Variants in FBXL13 observed in about 807,000 individuals in gnomAD.
FBXL13 encodes the protein F-box and leucine rich repeat protein 13, also known as F-box and leucine-rich repeat protein 13.
FBXL13 carries 67 observed loss-of-function variants against 83.6 expected under a neutral mutation model. That is an observed-to-expected ratio of 0.80 (90% CI 0.66 to 0.98). The LOEUF is 0.98. Among genes scored for constraint, FBXL13 ranks in the 50% least tolerant of loss-of-function variants. The pLI is 0.00. For synonymous variants in FBXL13, 272 were observed against 299.5 expected (o/e 0.91, Z 0.95); for missense variants, 822 against 866.5 (o/e 0.95, Z 0.64).
intron 11 of FBXL13, among the ~76,000 whole-genome samples, chr7:102,898,306 C>A (rs562476413): frequency 6.6e-6 from 1 of 152,066 alleles, no homozygotes; most frequent in Non-Finnish European, 1.5e-5. Flanking sequence ...CCAAAAGCAA[C>A]GTACATGAAT....
chr7:102,934,811 T>C, intron 8 of FBXL13: 1 of 891,510 alleles, frequency 1.1e-6, no homozygotes. Flanking sequence ...AATCCTTCCC[T>C]ATTGACAATG....
At chr7:102,995,820 G>T (rs78458045) in intron 6 of FBXL13, among the ~76,000 whole-genome samples, 143 of 75,740 alleles carry the variant, frequency 1.9e-3, no homozygotes, top group African/African-American at 5.3e-3. Flanking sequence ...AATAAATAAA[G>T]GCATAGTCAT....
intron 6 of FBXL13, among the ~76,000 whole-genome samples, chr7:102,978,172 A>T (rs1267471521): frequency 6.6e-6 from 1 of 152,228 alleles, no homozygotes; most frequent in Non-Finnish European, 1.5e-5. Flanking sequence ...CTACAATGAC[A>T]AGATGGATAC....
At chr7:102,982,115 C>T (rs1038771403) in intron 6 of FBXL13, among the ~76,000 whole-genome samples, 3 of 152,084 alleles carry the variant, frequency 2.0e-5, no homozygotes, top group African/African-American at 4.8e-5. Flanking sequence ...TCAATTACTC[C>T]ACCCAACACA....
chr7:103,052,252 T>C (rs1796890317), intron 2 of FBXL13, among the ~76,000 whole-genome samples: 1 of 152,206 alleles, frequency 6.6e-6, no homozygotes, highest in Admixed American at 6.5e-5. Flanking sequence ...ATTCATTTAG[T>C]ATACTATACA....
intron 6 of FBXL13, among the ~76,000 whole-genome samples, chr7:102,982,475 C>T (rs548088019): frequency 6.6e-6 from 1 of 152,234 alleles, no homozygotes; most frequent in South Asian, 2.1e-4. Flanking sequence ...AAGGTACTCT[C>T]CCATCGTTGG....
chr7:102,967,224 C>T (rs968692100), intron 7 of FBXL13, among the ~76,000 whole-genome samples: 1 of 151,898 alleles, frequency 6.6e-6, no homozygotes, highest in South Asian at 2.1e-4. Context: ...TCCCAGAGTG[C>T]TTGGATTATA....
chr7:103,071,495 C>T (rs1163059018), intron 1 of FBXL13, among the ~76,000 whole-genome samples: 3 of 151,940 alleles, frequency 2.0e-5, no homozygotes, highest in Non-Finnish European at 4.4e-5. Context: ...GTGATCCTCT[C>T]CTCTCAGCCT....
At chr7:102,964,958 AAG>A (rs1219976193) in intron 7 of FBXL13, among the ~76,000 whole-genome samples, 2 of 152,200 alleles carry the variant, frequency 1.3e-5, no homozygotes, top group Non-Finnish European at 2.9e-5. Flanking sequence ...ACAACTCAGA[AAG>A]AGAAAATCTA....
At chr7:102,846,445 A>G (rs2129450108) in intron 17 of FBXL13, among the ~76,000 whole-genome samples, 1 of 152,096 alleles carries the variant, frequency 6.6e-6, no homozygotes, top group Admixed American at 6.5e-5. Context: ...ATGGTGAAAC[A>G]CCATCTCTAC....
downstream of FBXL13, among the ~76,000 whole-genome samples, chr7:102,811,986 CTT>C (rs1425125676): frequency 2.0e-5 from 3 of 152,176 alleles, no homozygotes; most frequent in Non-Finnish European, 2.9e-5. Flanking sequence ...CTTTTTAAAA[CTT>C]TTCAAAATAA....
At chr7:103,051,720 C>T (rs941680430) in intron 2 of FBXL13, among the ~76,000 whole-genome samples, 1 of 152,170 alleles carries the variant, frequency 6.6e-6, no homozygotes, top group Admixed American at 6.5e-5. Flanking sequence ...GAGACTCCAG[C>T]GCAGCCACCT....
chr7:102,893,800 GA>G lies in FBXL13; in HGVS notation c.1009-9489del, dbSNP rs1213869185. On this transcript the variant is annotated intron_variant, in intron 11 of 19. Coordinates refer to ENST00000313221, the Ensembl canonical transcript of FBXL13. ...AAAAAAAAAAGAAAGAAAGGAGAAG[GA>G]TGAGGAGGGAATGGGGGAGGGGGAG... Among the ~76,000 whole-genome samples, 3 of 148,340 alleles carry G rather than the reference GA, an allele frequency of 2.0e-5. No individual in the cohort carries two copies. The East Asian group carries it at 5.9e-4, about 29-fold the overall frequency.
At chr7:102,860,473 AGTT>A (rs1806647014) in intron 16 of FBXL13, among the ~76,000 whole-genome samples, 1 of 152,160 alleles carries the variant, frequency 6.6e-6, no homozygotes, top group South Asian at 2.1e-4. Flanking sequence ...GCAAAGTGTG[AGTT>A]GTTGGGAAGT....
intron 6 of FBXL13, among the ~76,000 whole-genome samples, chr7:102,986,025 C>G (rs947058511): frequency 3.3e-5 from 5 of 151,884 alleles, no homozygotes; most frequent in South Asian, 2.1e-4. Context: ...ATGCCCCCCC[C>G]CCATCAATAC....
intron 11 of FBXL13, among the ~76,000 whole-genome samples, chr7:102,903,939 C>CTTTTTTTTTTT (rs1166655004): frequency 5.8e-3 from 252 of 43,416 alleles, no homozygotes; most frequent in East Asian, 7.9e-3. Context: ...CTTTTCTTTT[C>CTTTTTTTTTTT]TTTTTTTTTT....
In FBXL13 at chr7:102,823,981, GAAGA is replaced by G. The variant is rs568051417; in HGVS notation, c.1855-1782_1855-1779del. 2.4e-4 allele frequency among the ~76,000 whole-genome samples: 37 copies of G among 152,302 alleles called. No individual in the cohort carries two copies. The East Asian group carries it at 6.4e-3, about 26-fold the overall frequency. On this transcript the variant is annotated intron_variant, in intron 18 of 19. Coordinates refer to ENST00000313221, the Ensembl canonical transcript of FBXL13. ...AAAAAAAAAGGCCCACAGAATTGTA[GAAGA>G]AAGGAAGGACAACAAGGTGATGGAA...
chr7:103,054,418 T>A (rs4576360), intron 2 of FBXL13, among the ~76,000 whole-genome samples: 1 of 150,108 alleles, frequency 6.7e-6, no homozygotes, highest in Non-Finnish European at 1.5e-5. Context: ...AGAGAGAGAG[T>A]TATCACACAT....
intron 9 of FBXL13, among the ~76,000 whole-genome samples, chr7:102,931,527 T>C (rs1438909790): frequency 1.3e-5 from 2 of 152,202 alleles, no homozygotes; most frequent in Non-Finnish European, 2.9e-5. Flanking sequence ...TTCATTTCCA[T>C]CTTCTTTGGC....
Sources: allele counts gnomAD v4.1 joint callset (sites outside exome capture counted in the v4.1 genomes callset), GRCh38; gene constraint gnomAD v4.1.1; transcripts MANE v1.5; gene names NCBI Gene and HGNC (gene_info 2026-07-23, HGNC 2026-07-21).